Variants in PHF14 observed in about 807,000 individuals in gnomAD.
The protein encoded by PHF14 is PHD finger protein 14.
In PHF14, 55 loss-of-function variants were observed where a neutral mutation model predicts 117.9. That is an observed-to-expected ratio of 0.47 (90% CI 0.38 to 0.58). The LOEUF (loss-of-function observed/expected upper bound fraction) is 0.58, where lower values mean the gene tolerates loss of function less well. PHF14 is among the 20% of genes least tolerant of loss of function. PHF14 has a pLI of 0.00. For missense variants in PHF14, 978 were observed against 1,122.2 expected, an observed-to-expected ratio of 0.87 and a Z score of 1.84; for synonymous variants, 409 against 368.6, an observed-to-expected ratio of 1.11 and a Z score of -1.26.
intron 14 of PHF14, among the ~76,000 whole-genome samples, chr7:11,061,108 A>G (rs1785208238): frequency 6.6e-6 from 1 of 152,096 alleles, no homozygotes; most frequent in African/African-American, 2.4e-5. Context: ...CTGTGCTGTG[A>G]TTGGTGGATA....
chr7:10,992,717 A>C (rs1174518634), intron 4 of PHF14, among the ~76,000 whole-genome samples: 1 of 152,166 alleles, frequency 6.6e-6, no homozygotes, highest in African/African-American at 2.4e-5. Flanking sequence ...CATAATTATC[A>C]AAGTCAGGAA....
intron 2 of PHF14, among the ~76,000 whole-genome samples, chr7:10,981,092 T>A (rs532041482): frequency 6.6e-6 from 1 of 152,290 alleles, no homozygotes; most frequent in East Asian, 1.9e-4. Context: ...TTGTTAGCAG[T>A]CATTTGTATG....
At chr7:11,153,744 A>G (rs780889892) in intron 17 of PHF14, among the ~76,000 whole-genome samples, 1 of 152,158 alleles carries the variant, frequency 6.6e-6, no homozygotes, top group South Asian at 2.1e-4. Flanking sequence ...AATATTTCAT[A>G]CCCTGTATAT....
intron 6 of PHF14, among the ~76,000 whole-genome samples, chr7:11,023,199 A>G (rs1783793276): frequency 6.6e-6 from 1 of 152,182 alleles, no homozygotes; most frequent in African/African-American, 2.4e-5. Context: ...AGGTAAAATG[A>G]TAATTGGTAC....
intron 16 of PHF14, among the ~76,000 whole-genome samples, chr7:11,079,609 A>G (rs770749387): frequency 1.6e-4 from 25 of 152,174 alleles, no homozygotes; most frequent in Non-Finnish European, 2.8e-4. Flanking sequence ...TTCATTAAAA[A>G]GAAACCAAAG....
chr7:11,017,038 AATG>A (rs1783558151), intron 5 of PHF14, among the ~76,000 whole-genome samples: 1 of 152,148 alleles, frequency 6.6e-6, no homozygotes, highest in African/African-American at 2.4e-5. Flanking sequence ...CACCTAACAT[AATG>A]ATCTCTAGTT....
chr7:11,076,567 C>CT (rs71023886), intron 16 of PHF14, among the ~76,000 whole-genome samples: 44,910 of 124,666 alleles, frequency 0.36, 8,695 homozygotes, highest in East Asian at 0.71. Context: ...TTTTCTTTTT[C>CT]TTTTTTTTTT....
At chr7:11,147,988 C>G (rs1373467033) in intron 17 of PHF14, among the ~76,000 whole-genome samples, 1 of 152,068 alleles carries the variant, frequency 6.6e-6, no homozygotes, top group Admixed American at 6.6e-5. Flanking sequence ...TCTTTCCTAC[C>G]TCAGTCTCAT....
intron 16 of PHF14, among the ~76,000 whole-genome samples, chr7:11,095,809 A>C (rs907188508): frequency 4.3e-4 from 65 of 152,270 alleles, no homozygotes; most frequent in African/African-American, 1.4e-3. Context: ...CATCTCAGCT[A>C]GAGTATGAGA....
chr7:11,036,658 C>T lies in PHF14; in HGVS notation c.1843C>T (p.Leu615Phe). Residue 615 changes from leucine to phenylalanine, a missense_variant, in exon 9 of 18, where the codon CTC becomes TTC. By Grantham distance (22) the Leu-to-Phe change is conservative. Around this residue, in one of 7 missense-constraint regions of PHF14, gnomAD observed 237 missense variants for 276.4 expected, o/e 0.86. Transcript: ENST00000634607. ...AAGGAGAAAACATAAGCAACCAGCT[C>T]TCACTGCAGATTTTGTGAATTATTA... The part of the protein sequence containing the change: ...DGRRKHKQPA[L>F]TADFVNYYFE... 1 of 1,613,814 alleles carries T rather than the reference C, an allele frequency of 6.2e-7. No individual in the cohort carries two copies. The highest frequency in any genetic ancestry group is 8.5e-7 in the Non-Finnish European group (1 of 1,179,770).
intron 4 of PHF14, chr7:11,006,529 CCTT>C (rs1783106236): frequency 1.7e-6 from 1 of 574,398 alleles, no homozygotes; most frequent in South Asian, 1.4e-5. Flanking sequence ...TCACAGAGCT[CCTT>C]CACAGCCTGT....
intron 17 of PHF14, among the ~76,000 whole-genome samples, chr7:11,162,585 G>A (rs1385241642): frequency 1.3e-5 from 2 of 151,514 alleles, no homozygotes; most frequent in African/African-American, 4.9e-5. Flanking sequence ...GATCTTTGTT[G>A]CCTTTAGTGT....
At position 11,169,568 on chromosome 7, in the gene PHF14, T is replaced by C. The variant is rs1170964490; in HGVS notation, c.*78T>C. On this transcript the variant is annotated 3_prime_UTR_variant, in exon 18 of 18. Coordinates refer to ENST00000634607, the MANE Select transcript of PHF14 (RefSeq NM_001007157.2). ...AAATTTCTAATTGTAAAATGTTAAA[T>C]TGTAAAATCTAATTTGCAAAATGTT... The C allele has an allele frequency of 5.0e-6, 3 of 596,096 alleles. No homozygotes were observed. Among genetic ancestry groups the C allele is most frequent in the Non-Finnish European group, 8.4e-6 (3 of 355,920 alleles). 36.9% of individuals were successfully genotyped at this position (596,096 alleles called of 1,614,324 possible).
intron 13 of PHF14, among the ~76,000 whole-genome samples, chr7:11,049,200 C>T (rs1210705068): frequency 3.3e-5 from 5 of 151,964 alleles, no homozygotes; most frequent in South Asian, 2.1e-4. Flanking sequence ...GAGCCTGGCG[C>T]GGTGGCTCAC....
chr7:10,984,936 C>T (rs964041523), intron 3 of PHF14, among the ~76,000 whole-genome samples: 18 of 151,952 alleles, frequency 1.2e-4, no homozygotes, highest in African/African-American at 3.1e-4. Flanking sequence ...AGTGCTTCTT[C>T]GAAAAGTGCC....
intron 4 of PHF14, among the ~76,000 whole-genome samples, chr7:11,007,895 A>G (rs1783183651): frequency 6.6e-6 from 1 of 152,270 alleles, no homozygotes; most frequent in South Asian, 2.1e-4. Flanking sequence ...ATAATTGTTT[A>G]CTGTAATTAC....
intron 17 of PHF14, among the ~76,000 whole-genome samples, chr7:11,134,271 T>G (rs1312900358): frequency 6.6e-6 from 1 of 151,954 alleles, no homozygotes; most frequent in African/African-American, 2.4e-5. Flanking sequence ...TGAGTGAACA[T>G]TTTGCCGCTT....
intron 17 of PHF14, among the ~76,000 whole-genome samples, chr7:11,120,856 G>A (rs892465855): frequency 2.0e-5 from 3 of 152,058 alleles, no homozygotes; most frequent in African/African-American, 7.2e-5. Flanking sequence ...TGAATAATAG[G>A]AAAAGATCTA....
intron 2 of PHF14, among the ~76,000 whole-genome samples, chr7:10,981,051 T>A (rs1290865838): frequency 6.6e-6 from 1 of 152,176 alleles, no homozygotes; most frequent in African/African-American, 2.4e-5. Flanking sequence ...TTAGTGTTTA[T>A]TTTTTATGCA....
Sources: allele counts gnomAD v4.1 joint callset (sites outside exome capture counted in the v4.1 genomes callset), GRCh38; gene constraint gnomAD v4.1.1; regional missense constraint gnomAD v4.1.1; transcripts MANE v1.5; gene names NCBI Gene and HGNC (gene_info 2026-07-23, HGNC 2026-07-21).